The following HS6ST1 variants were observed in gnomAD, a reference collection of about 807,000 sequenced individuals.
The protein encoded by HS6ST1 is heparan sulfate 6-O-sulfotransferase 1.
A neutral mutation model predicts 25.2 loss-of-function variants in HS6ST1; 3 were observed. That is an observed-to-expected ratio of 0.12 (90% CI 0.05 to 0.31). HS6ST1 has a LOEUF of 0.31. HS6ST1 is among the 10% of genes least tolerant of loss of function. HS6ST1 has a pLI of 1.00. For missense variants in HS6ST1, 310 were observed against 609.6 expected, an observed-to-expected ratio of 0.51 and a Z score of 5.18; for synonymous variants, 204 against 275.1, an observed-to-expected ratio of 0.74 and a Z score of 2.56.
intron 1 of HS6ST1, among the ~76,000 whole-genome samples, chr2:128,317,692 T>A (rs1694394291): frequency 6.6e-6 from 1 of 152,132 alleles, no homozygotes; most frequent in East Asian, 1.9e-4. Context: ...CGTCCCCAAG[T>A]CCGGCGGGCC....
intron 1 of HS6ST1, among the ~76,000 whole-genome samples, chr2:128,279,494 G>C (rs760011998): frequency 2.6e-5 from 4 of 152,132 alleles, no homozygotes; most frequent in African/African-American, 7.2e-5. Context: ...CAAGGACAAG[G>C]ACATGGCGTG....
At chr2:128,306,824 G>A (rs961952239) in intron 1 of HS6ST1, among the ~76,000 whole-genome samples, 6 of 152,182 alleles carry the variant, frequency 3.9e-5, no homozygotes, top group African/African-American at 9.6e-5. Context: ...CCCTGGGTGC[G>A]CCCGCAGCAG....
chr2:128,275,475 G>C (rs12469172), intron 1 of HS6ST1, among the ~76,000 whole-genome samples: 33,031 of 152,230 alleles, frequency 0.22, 4,391 homozygotes, highest in East Asian at 0.62. Context: ...GTCTGGAGAG[G>C]TTGGAAAGAG....
chr2:128,290,817 CAAAAAAAAAAAAAA>C (rs57754041), intron 1 of HS6ST1, among the ~76,000 whole-genome samples: 3 of 60,548 alleles, frequency 5.0e-5, no homozygotes, highest in African/African-American at 2.1e-4. Flanking sequence ...ACTAAAAATA[CAAAAAAAAAAAAAA>C]AAAAAAAAAA....
intron 1 of HS6ST1, among the ~76,000 whole-genome samples, chr2:128,294,672 G>C (rs1274404362): frequency 1.3e-4 from 1 of 7,476 alleles, no homozygotes; most frequent in Non-Finnish European, 2.2e-4. Flanking sequence ...GAAGGGAGGC[G>C]TGTGTGTGTG....
intron 1 of HS6ST1, among the ~76,000 whole-genome samples, chr2:128,278,332 G>A (rs964506226): frequency 3.9e-5 from 6 of 152,174 alleles, no homozygotes; most frequent in Admixed American, 6.5e-5. Context: ...TCTGCCTTCC[G>A]GAAGCTCAGG....
intron 1 of HS6ST1, among the ~76,000 whole-genome samples, chr2:128,297,636 C>A (rs565008635): frequency 1.3e-5 from 2 of 152,272 alleles, no homozygotes; most frequent in South Asian, 4.1e-4. Context: ...GAGTTCGAGA[C>A]CAGCCTGACC....
chr2:128,315,072 C>T (rs923912690), intron 1 of HS6ST1, among the ~76,000 whole-genome samples: 1 of 152,224 alleles, frequency 6.6e-6, no homozygotes, highest in African/African-American at 2.4e-5. Flanking sequence ...GATGGCCACA[C>T]CTCTTTAAGG....
At position 128,291,070 on chromosome 2, in the gene HS6ST1, C is replaced by T. The variant is rs1046757548; in HGVS notation, c.528-22200G>A. Among the ~76,000 whole-genome samples the T allele has an allele frequency of 1.3e-4, 20 of 152,212 alleles. 1 individual carries two copies. Among genetic ancestry groups the T allele is most frequent in the Admixed American group, 1.3e-3 (20 of 15,286 alleles). ...CATGGGGAAGAGTCAGATGCATTCCCTCTAAGATCATGAATAAGACAAAGA... is the reference window on the plus strand; with the variant it reads ...CATGGGGAAGAGTCAGATGCATTCCTTCTAAGATCATGAATAAGACAAAGA... On this transcript the variant is annotated intron_variant, in intron 1 of 1. Transcript: ENST00000259241.
At chr2:128,309,780 T>C (rs190293398) in intron 1 of HS6ST1, among the ~76,000 whole-genome samples, 7 of 152,352 alleles carry the variant, frequency 4.6e-5, no homozygotes, top group African/African-American at 1.7e-4. Flanking sequence ...ACTGAAGCCC[T>C]GGCCCCGCGG....
chr2:128,290,046 G>A (rs935123369), intron 1 of HS6ST1: 3 of 152,074 alleles, frequency 2.0e-5, no homozygotes, highest in African/African-American at 2.4e-5. Flanking sequence ...AAATATACAT[G>A]TAAGTACACA....
rs374985809 is a variant in HS6ST1, at chr2:128,294,412, CTG to C, written c.527+23623_527+23624del. ...GCTTGGGTCTTCCTTTGTTCTCAGCCTGTCTACTGGGTAGGTGGGACTTGCCA... is the reference window on the plus strand; with the variant it reads ...GCTTGGGTCTTCCTTTGTTCTCAGCCTCTACTGGGTAGGTGGGACTTGCCA... On this transcript the variant is annotated intron_variant, in intron 1 of 1. Coordinates refer to ENST00000259241, the MANE Select transcript of HS6ST1 (RefSeq NM_004807.3). 7.9e-5 allele frequency among the ~76,000 whole-genome samples: 12 copies of C among 152,318 alleles called. 1 individual carries two copies. Among genetic ancestry groups the C allele is most frequent in the African/African-American group, 2.9e-4 (12 of 41,570 alleles).
intron 1 of HS6ST1, among the ~76,000 whole-genome samples, chr2:128,275,707 G>A (rs1693684480): frequency 6.6e-6 from 1 of 152,246 alleles, no homozygotes; most frequent in African/African-American, 2.4e-5. Flanking sequence ...GCAGCAGCAA[G>A]AGTAGGCACG....
In HS6ST1 at chr2:128,299,796, C is replaced by T. The variant is rs112600763; in HGVS notation, c.527+18241G>A. Among the ~76,000 whole-genome samples the T allele has an allele frequency of 2.0e-4, 30 of 152,334 alleles. 3 individuals carry two copies. Among genetic ancestry groups the T allele is most frequent in the African/African-American group, 5.8e-4 (24 of 41,586 alleles). ...GAGGCTCATAACCCCTCCCCCATCC[C>T]GGCCCTGCTAACACAGCCCATCTGC... On this transcript the variant is annotated intron_variant, in intron 1 of 1. Coordinates refer to ENST00000259241, the MANE Select transcript of HS6ST1 (RefSeq NM_004807.3).
intron 1 of HS6ST1, among the ~76,000 whole-genome samples, chr2:128,310,252 C>G (rs840874): frequency 0.67 from 102,610 of 152,124 alleles, 35,723 homozygotes; most frequent in African/African-American, 0.83. Flanking sequence ...GGACCCAAGA[C>G]CTCCCGAGGT....
chr2:128,308,184 G>A (rs1375155906), intron 1 of HS6ST1, among the ~76,000 whole-genome samples: 2 of 152,236 alleles, frequency 1.3e-5, no homozygotes, highest in Non-Finnish European at 2.9e-5. Flanking sequence ...CAGTGGTGCT[G>A]AGCGAGGCTG....
chr2:128,315,634 C>T (rs13426089), intron 1 of HS6ST1, among the ~76,000 whole-genome samples: 14,957 of 152,194 alleles, frequency 0.098, 841 homozygotes, highest in African/African-American at 0.14. Flanking sequence ...GGCACTGCCC[C>T]TGATAGAGAG....
intron 1 of HS6ST1, among the ~76,000 whole-genome samples, chr2:128,302,744 GTC>G (rs1476636130): frequency 6.6e-6 from 1 of 152,146 alleles, no homozygotes; most frequent in Non-Finnish European, 1.5e-5. Context: ...TTGAGGCTAG[GTC>G]TCCCATTGTG....
intron 1 of HS6ST1, among the ~76,000 whole-genome samples, chr2:128,309,192 C>T (rs1041132715): frequency 6.6e-6 from 1 of 152,246 alleles, no homozygotes; most frequent in African/African-American, 2.4e-5. Flanking sequence ...CTCCTTGTTG[C>T]TGGGTTACCC....
Sources: gnomAD v4.1 joint callset for allele counts (sites outside exome capture counted in the v4.1 genomes callset) on GRCh38, gnomAD v4.1.1 for gene constraint, MANE v1.5 for transcripts, NCBI Gene and HGNC (gene_info 2026-07-23, HGNC 2026-07-21) for gene names.